Variants in SUCLG2 observed in about 807,000 individuals in gnomAD.
SUCLG2 encodes succinate--CoA ligase [GDP-forming] subunit beta, mitochondrial.
A neutral mutation model predicts 47.9 loss-of-function variants in SUCLG2; 42 were observed. The ratio of observed to expected loss-of-function variants is 0.88; its 90% CI spans 0.69 to 1.14. The LOEUF (loss-of-function observed/expected upper bound fraction) is 1.14. Ranked by LOEUF, SUCLG2 falls within the 50% of genes most tolerant of loss-of-function variation. SUCLG2 has a pLI of 0.00. For synonymous variants in SUCLG2, 195 were observed against 197.3 expected (o/e 0.99, Z 0.10); for missense variants, 571 against 525.9 (o/e 1.09, Z -0.84).
At chr3:67,608,954 G>A (rs566878884) in intron 2 of SUCLG2, among the ~76,000 whole-genome samples, 1 of 152,204 alleles carries the variant, frequency 6.6e-6, no homozygotes, top group South Asian at 2.1e-4. Flanking sequence ...TGAGATTATA[G>A]GCATGAGCCA....
At chr3:67,584,162 A>G (rs1452377368) in intron 2 of SUCLG2, among the ~76,000 whole-genome samples, 4 of 152,210 alleles carry the variant, frequency 2.6e-5, no homozygotes, top group South Asian at 4.1e-4. Context: ...ATATCTACCA[A>G]TTGGTAAATG....
chr3:67,585,976 A>AC (rs1331506427), intron 2 of SUCLG2, among the ~76,000 whole-genome samples: 1 of 87,034 alleles, frequency 1.1e-5, no homozygotes, highest in Non-Finnish European at 2.7e-5. Context: ...CAAAAAAAAA[A>AC]AAAAAAAAAA....
At chr3:67,376,165 C>G (rs895160677) in intron 10 of SUCLG2, 65 of 917,504 alleles carry the variant, frequency 7.1e-5, no homozygotes, top group Non-Finnish European at 8.0e-5. Flanking sequence ...TTGGCCCACA[C>G]CAGAAGTCAC....
intron 9 of SUCLG2, among the ~76,000 whole-genome samples, chr3:67,425,076 C>T (rs1042993487): frequency 3.9e-5 from 6 of 152,112 alleles, no homozygotes; most frequent in South Asian, 2.1e-4. Context: ...TTGAATTAAG[C>T]GCTCTTCTAG....
At chr3:67,409,681 C>A (rs1383917776) in intron 9 of SUCLG2, among the ~76,000 whole-genome samples, 1 of 151,818 alleles carries the variant, frequency 6.6e-6, no homozygotes, top group African/African-American at 2.4e-5. Flanking sequence ...ATAACTTTTA[C>A]AAAGAAAATA....
chr3:67,584,040 TTCTG>T (rs1402263212), intron 2 of SUCLG2, among the ~76,000 whole-genome samples: 1 of 152,200 alleles, frequency 6.6e-6, no homozygotes, highest in Non-Finnish European at 1.5e-5. Context: ...GGGGCCAGAA[TTCTG>T]TCTATCACAG....
intron 9 of SUCLG2, among the ~76,000 whole-genome samples, chr3:67,465,406 T>G (rs1367725798): frequency 1.3e-5 from 2 of 152,132 alleles, no homozygotes; most frequent in Non-Finnish European, 2.9e-5. Flanking sequence ...TCTTTTCACT[T>G]TGCCCCAAAT....
At chr3:67,634,956 T>C (rs1700984112) in intron 1 of SUCLG2, among the ~76,000 whole-genome samples, 1 of 152,144 alleles carries the variant, frequency 6.6e-6, no homozygotes, top group Non-Finnish European at 1.5e-5. Flanking sequence ...GTGCCTTTAA[T>C]CCTCAACTGT....
chr3:67,574,705 G>A (rs571680385), intron 2 of SUCLG2, among the ~76,000 whole-genome samples: 1 of 152,274 alleles, frequency 6.6e-6, no homozygotes, highest in Non-Finnish European at 1.5e-5. Context: ...AAAAAAATTA[G>A]TAAGTTGGAC....
At chr3:67,632,964 C>T (rs907288523) in intron 1 of SUCLG2, among the ~76,000 whole-genome samples, 2 of 152,160 alleles carry the variant, frequency 1.3e-5, no homozygotes, top group Non-Finnish European at 2.9e-5. Context: ...AAGCAAAGAA[C>T]TCATTTGATC....
intron 6 of SUCLG2, among the ~76,000 whole-genome samples, chr3:67,513,512 A>T (rs79822221): frequency 6.6e-6 from 1 of 152,266 alleles, no homozygotes; most frequent in East Asian, 1.9e-4. Context: ...CCCTTGTAAG[A>T]TGTCTTATTC....
intron 2 of SUCLG2, among the ~76,000 whole-genome samples, chr3:67,573,373 G>T (rs890697617): frequency 6.6e-6 from 1 of 152,140 alleles, no homozygotes; most frequent in African/African-American, 2.4e-5. Context: ...AAAAGGAAAA[G>T]AATATTGAAA....
intron 10 of SUCLG2, among the ~76,000 whole-genome samples, chr3:67,368,925 A>G (rs1203301600): frequency 1.3e-5 from 2 of 152,168 alleles, no homozygotes; most frequent in Admixed American, 6.6e-5. Context: ...ATTTTAATGA[A>G]TCCGTAACCC....
rs142897642 is a variant in SUCLG2 at position 67,621,731 on chromosome 3, T to C, written c.85-12135A>G. Among the ~76,000 whole-genome samples the C allele has an allele frequency of 4.4e-3, 675 of 152,286 alleles. 6 individuals carry two copies. The highest frequency in any genetic ancestry group is 0.015 in the African/African-American group (631 of 41,576). On this transcript the variant is annotated intron_variant, in intron 1 of 10. Transcript: ENST00000307227. ...TTCACCATGCATCCCTTGGGGACTATGCAGAAGAGGTCTCATCAGCAAGAA... is the reference window on the plus strand; with the variant it reads ...TTCACCATGCATCCCTTGGGGACTACGCAGAAGAGGTCTCATCAGCAAGAA...
At chr3:67,434,528 A>G (rs1323654324) in intron 9 of SUCLG2, among the ~76,000 whole-genome samples, 1 of 152,160 alleles carries the variant, frequency 6.6e-6, no homozygotes, top group Non-Finnish European at 1.5e-5. Context: ...CAATAACAAC[A>G]ACAACAATAA....
chr3:67,447,607 C>A (rs1703956543), intron 9 of SUCLG2, among the ~76,000 whole-genome samples: 2 of 152,128 alleles, frequency 1.3e-5, no homozygotes, highest in Admixed American at 1.3e-4. Flanking sequence ...CTTTGACTCC[C>A]ACAACAGAAG....
chr3:67,452,883 T>C (rs577467241), intron 9 of SUCLG2, among the ~76,000 whole-genome samples: 5 of 152,198 alleles, frequency 3.3e-5, no homozygotes, highest in Non-Finnish European at 7.4e-5. Flanking sequence ...GTAACACATA[T>C]AAGAATCTTC....
downstream of SUCLG2, among the ~76,000 whole-genome samples, chr3:67,371,717 C>T (rs147752917): frequency 1.4e-4 from 22 of 152,266 alleles, no homozygotes; most frequent in South Asian, 4.4e-3. Flanking sequence ...GTCTTTGCCT[C>T]CAACATCCTT....
intron 6 of SUCLG2, among the ~76,000 whole-genome samples, chr3:67,516,862 G>A (rs1705958960): frequency 6.6e-6 from 1 of 152,186 alleles, no homozygotes; most frequent in African/African-American, 2.4e-5. Flanking sequence ...TGGCTGTATG[G>A]AAAACGGGCT....
Sources: allele counts gnomAD v4.1 joint callset (sites outside exome capture counted in the v4.1 genomes callset), GRCh38; gene constraint gnomAD v4.1.1; transcripts MANE v1.5; gene names NCBI Gene and HGNC (gene_info 2026-07-23, HGNC 2026-07-21).